DCAF11: variants seen among roughly 807,000 people sequenced by gnomAD.
The protein encoded by DCAF11 is DDB1 and CUL4 associated factor 11.
Under a neutral mutation model 76.1 loss-of-function variants are expected in DCAF11, and 44 were observed. That is an observed-to-expected ratio of 0.58 (90% CI 0.45 to 0.74). The LOEUF (loss-of-function observed/expected upper bound fraction) is 0.74, where lower values mean the gene tolerates loss of function less well. DCAF11 is among the 30% of genes least tolerant of loss of function. DCAF11 has a pLI of 0.00. For synonymous variants in DCAF11, 258 were observed against 255.0 expected, an observed-to-expected ratio of 1.01 and a Z score of -0.11; for missense variants, 604 against 709.4, an observed-to-expected ratio of 0.85 and a Z score of 1.69.
intron 11 of DCAF11, 69 bp from the exon 12 acceptor site, chr14:24,120,769 G>A (rs531335037): frequency 1.3e-5 from 21 of 1,575,118 alleles, no homozygotes; most frequent in East Asian, 2.3e-5. Flanking sequence ...ACTAGAGAAC[G>A]GGAACTAGAC....
chr14:24,121,140 T>C, intron 12 of DCAF11, 149 bp downstream of exon 12: 1 of 1,268,376 alleles, frequency 7.9e-7, no homozygotes, highest in South Asian at 1.5e-5. Flanking sequence ...GGGGCCTGGG[T>C]GGGGGTCACT....
rs985616417 is a variant in DCAF11 at position 24,115,476 on chromosome 14, T to C, written c.-119T>C. The stretch of plus-strand genomic sequence containing the variant: ...CGAGGAAGGGTCACCCTCCTAGAGA[T>C]AGCTACTACCCCGTCTCAGGAGACC... On this transcript the variant is annotated 5_prime_UTR_variant, in exon 2 of 15. Coordinates refer to ENST00000446197, the MANE Select transcript of DCAF11 (RefSeq NM_025230.5). 6.3e-6 allele frequency: 9 copies of C among 1,429,196 alleles called. No homozygotes were observed. The Admixed American group carries it at 7.0e-5, about 11-fold the overall frequency. 88.5% of individuals were successfully genotyped at this position (1,429,196 alleles called of 1,614,324 possible). A position where few individuals can be genotyped will look rare whatever the true frequency, so the allele number is the denominator to read the frequency against.
chr14:24,118,029 C>A, intron 5 of DCAF11, 26 bp from the exon 6 acceptor site: 2 of 1,509,584 alleles, frequency 1.3e-6, no homozygotes, highest in Admixed American at 1.8e-5. Context: ...GCACCCCTCA[C>A]CCTCACTTTC....
Position 24,121,357 on chromosome 14 carries a change from C to G in DCAF11, c.1247-8C>G, listed in dbSNP as rs759892123. ...CTAACCTAGGGTTTACTCTGCATCCCTACCCAGCCTGGCGGAAGCTGAAGC... is the reference window on the plus strand; with the variant it reads ...CTAACCTAGGGTTTACTCTGCATCCGTACCCAGCCTGGCGGAAGCTGAAGC... On this transcript the variant is annotated splice_region_variant and splice_polypyrimidine_tract_variant and intron_variant, in intron 12 of 14. Transcript: ENST00000446197. 30 of 1,614,022 alleles carry G rather than the reference C, an allele frequency of 1.9e-5. 1 individual carries two copies. In the African/African-American group the frequency reaches 3.2e-4, roughly 17 times the overall value.
intron 13 of DCAF11, 25 bp from the exon 14 acceptor site, chr14:24,122,946 C>T: frequency 1.2e-6 from 2 of 1,608,216 alleles, no homozygotes; most frequent in Non-Finnish European, 1.7e-6. Flanking sequence ...GGTGGTCCCT[C>T]TCCACTCTTG....
Position 24,117,135 on chromosome 14 carries a change from G to A in DCAF11, c.283+91G>A, listed in dbSNP as rs898147889. 16 of 1,608,496 alleles carry A rather than the reference G, an allele frequency of 9.9e-6. No homozygotes were observed. The highest frequency in any genetic ancestry group is 8.8e-5 in the South Asian group (8 of 90,488). On this transcript the variant is annotated intron_variant, in intron 3 of 14. Coordinates refer to ENST00000446197, the MANE Select transcript of DCAF11 (RefSeq NM_025230.5). The surrounding 1 kb of genome is among the most constrained non-coding windows in gnomAD (Gnocchi z 4.3). Reference sequence around the variant, plus strand: ...GATAGGTTACATTGAAAGAAGGTACGATAATTTAAGGAATAAGGAGTCCTT... The same window carrying A: ...GATAGGTTACATTGAAAGAAGGTACAATAATTTAAGGAATAAGGAGTCCTT...
chr14:24,119,088 T>C, intron 8 of DCAF11, 57 bp from the exon 9 acceptor site: 1 of 1,608,978 alleles, frequency 6.2e-7, no homozygotes, highest in South Asian at 1.1e-5. Flanking sequence ...TCAGATTTTA[T>C]GTAGATTAAC....
At chr14:24,116,863 T>C (rs2037587388) in intron 2 of DCAF11, 54 bp from the exon 3 acceptor site, 1 of 1,611,200 alleles carries the variant, frequency 6.2e-7, no homozygotes, top group Admixed American at 1.7e-5. Flanking sequence ...GACTCTGAAT[T>C]TGGTTGGTTT....
At position 24,123,495 on chromosome 14, in the gene DCAF11, G is replaced by A. The variant is rs189672723; in HGVS notation, c.*186G>A. On this transcript the variant is annotated 3_prime_UTR_variant, in exon 15 of 15. Transcript: ENST00000446197. Reference sequence around the variant, plus strand: ...CCATGGGGCAGAGTGGTCTCCTTACGTGCTCACACCCAGTCAGCTTGGGTC... The same window carrying A: ...CCATGGGGCAGAGTGGTCTCCTTACATGCTCACACCCAGTCAGCTTGGGTC... 1.9e-5 allele frequency: 17 copies of A among 910,236 alleles called. No homozygotes were observed. The East Asian group carries it at 2.4e-4, about 13-fold the overall frequency. 56.4% of individuals were successfully genotyped at this position (910,236 alleles called of 1,614,324 possible). A position where few individuals can be genotyped will look rare whatever the true frequency, so the allele number is the denominator to read the frequency against.
Position 24,122,483 on chromosome 14 carries a change from T to A in DCAF11, c.1400-488T>A, listed in dbSNP as rs538936352. 8.5e-5 allele frequency among the ~76,000 whole-genome samples: 10 copies of A among 117,176 alleles called. No homozygotes were observed. In the East Asian group the frequency reaches 1.7e-3, roughly 20 times the overall value. The allele number at this position is 117,176 out of a possible 152,430, so 76.9% of individuals were successfully genotyped here. ...CTAGCCTGGGCAACAAGAGCGAGAC[T>A]CCATCTCAAAAAAAAAAAAAAAAGA... On this transcript the variant is annotated intron_variant, in intron 13 of 14. Transcript: ENST00000446197.
In DCAF11 at chr14:24,119,631, A is replaced by G. The variant is rs773052230; in HGVS notation, c.906+15A>G. The G allele has an allele frequency of 1.7e-5, 27 of 1,614,132 alleles. No individual in the cohort carries two copies. The highest frequency in any genetic ancestry group is 2.3e-5 in the Non-Finnish European group (27 of 1,180,016). On this transcript the variant is annotated intron_variant, in intron 10 of 14. Coordinates refer to ENST00000446197, the MANE Select transcript of DCAF11 (RefSeq NM_025230.5). Reference sequence around the variant, plus strand: ...GCACCCTTCAGGTATGGCTCCTGAGATAGAGCCTCTGCCTCCTGGTTTTTG... The same window carrying G: ...GCACCCTTCAGGTATGGCTCCTGAGGTAGAGCCTCTGCCTCCTGGTTTTTG...
rs777174275 is a variant in DCAF11 at position 24,120,822 on chromosome 14, A to C, written c.1093-16A>C. On this transcript the variant is annotated splice_polypyrimidine_tract_variant and intron_variant, in intron 11 of 14. Transcript: ENST00000446197. ...TGCAAGCTCTGATGCTTCACTATCC[A>C]CCTTTGGATTCATAGGGTGATGCCC... 39 of 1,613,098 alleles carry C rather than the reference A, an allele frequency of 2.4e-5. No individual in the cohort carries two copies. Among genetic ancestry groups the C allele is most frequent in the Non-Finnish European group, 3.2e-5 (38 of 1,179,360 alleles).
intron 9 of DCAF11, 69 bp downstream of exon 9, chr14:24,119,282 T>C: frequency 6.3e-7 from 1 of 1,583,958 alleles, no homozygotes; most frequent in African/African-American, 1.3e-5. Flanking sequence ...AGTTCTGCTG[T>C]TACACAGATG....
rs747011195 is a variant in DCAF11 at position 24,119,611 on chromosome 14, C to T, written c.901C>T (p.Leu301Phe). The T allele has an allele frequency of 2.5e-6, 4 of 1,614,108 alleles. No individual in the cohort carries two copies. In the African/African-American group the frequency reaches 5.3e-5, roughly 22 times the overall value. ...VFDREQNRRT[L>F]QIESHEDDVN... ...TGACCGAGAACAGAACCGGCGCACC[C>T]TTCAGGTATGGCTCCTGAGATAGAG... The change falls in exon 10 of 15, where the codon CTT becomes TTT. Residue 301 changes from leucine (L) to phenylalanine (F), a missense_variant. Leu to Phe is a conservative substitution (Grantham distance 22). Transcript: ENST00000446197.
chr14:24,119,920 C>A (rs776912517), intron 11 of DCAF11, 24 bp downstream of exon 11: 1 of 1,579,718 alleles, frequency 6.3e-7, no homozygotes, highest in Middle Eastern at 1.9e-4. Flanking sequence ...CAGGACTGTA[C>A]AGCCAGGCCG....
At chr14:24,120,765 G>T (rs2037676000) in intron 11 of DCAF11, 73 bp from the exon 12 acceptor site, 2 of 1,569,828 alleles carry the variant, frequency 1.3e-6, no homozygotes, top group Non-Finnish European at 1.7e-6. Flanking sequence ...CTCAACTAGA[G>T]AACGGGAACT....
Position 24,117,430 on chromosome 14 carries a change from G to A in DCAF11, c.411+37G>A. On this transcript the variant is annotated intron_variant, in intron 4 of 14. Coordinates refer to ENST00000446197, the MANE Select transcript of DCAF11 (RefSeq NM_025230.5). The surrounding 1 kb of genome is among the most constrained non-coding windows in gnomAD (Gnocchi z 4.3). The stretch of plus-strand genomic sequence containing the variant: ...CACCTCCCAGCCTGGCAGCAGGCCT[G>A]CCAAAGCAGCCAGAAGCTCTGCCAG... The A allele has an allele frequency of 3.1e-6, 5 of 1,611,332 alleles. No individual in the cohort carries two copies. The highest frequency in any genetic ancestry group is 4.2e-6 in the Non-Finnish European group (5 of 1,178,390).
rs2037648196 is a variant in DCAF11, at chr14:24,119,441, A to T, written c.849-118A>T. The T allele has an allele frequency of 2.9e-6, 4 of 1,367,748 alleles. No individual in the cohort carries two copies. The East Asian group carries it at 9.2e-5, about 31-fold the overall frequency. 84.7% of individuals were successfully genotyped at this position (1,367,748 alleles called of 1,614,324 possible). ...CTAACTCTTCCCCCACTTCCTGTAT[A>T]AAAAGAGCAAAGGGCTTGACCCAGA... is the stretch of plus-strand genomic sequence containing the variant. On this transcript the variant is annotated intron_variant, in intron 9 of 14. Coordinates refer to ENST00000446197, the MANE Select transcript of DCAF11 (RefSeq NM_025230.5).
Position 24,115,712 on chromosome 14 carries a change from G to A in DCAF11, c.118G>A (p.Val40Met). 6.2e-7 allele frequency: 1 copy of A among 1,614,058 alleles called. No homozygotes were observed. Among genetic ancestry groups the A allele is most frequent in the Non-Finnish European group, 8.5e-7 (1 of 1,179,994 alleles). Residue 40 changes from valine to methionine, a missense_variant, in exon 2 of 15, where the codon GTG becomes ATG. Physicochemically the swap from Val to Met is conservative, Grantham distance 21. Transcript: ENST00000446197. ...SEEEEEEDED[V>M]DLAQVLAYLL... is the part of the protein sequence containing the mutation. ...GGAAGAGGAAGAAGAGGATGAAGAT[G>A]TGGATCTGGCCCAGGTACTGGCCTA...
Sources: allele counts gnomAD v4.1 joint callset (sites outside exome capture counted in the v4.1 genomes callset), GRCh38; gene constraint gnomAD v4.1.1; non-coding constraint Gnocchi (gnomAD v3.1); transcripts MANE v1.5; gene names NCBI Gene and HGNC (gene_info 2026-07-23, HGNC 2026-07-21).